The following ACOT6 variants were observed in gnomAD, a reference collection of about 807,000 sequenced individuals.
ACOT6 encodes acyl-coenzyme A thioesterase 6.
ACOT6 carries 14 observed loss-of-function variants against 12.3 expected under a neutral mutation model. The observed-to-expected ratio is 1.14, with a 90% CI of 0.75 to 1.78. The LOEUF (loss-of-function observed/expected upper bound fraction) is 1.78. Ranked by LOEUF, ACOT6 falls within the 40% of genes most tolerant of loss-of-function variation. The pLI is 0.00. For missense variants in ACOT6, 523 were observed against 551.8 expected (o/e 0.95, Z 0.52); for synonymous variants, 218 against 231.3 (o/e 0.94, Z 0.52).
chr14:73,619,541 G>A lies in ACOT6; in HGVS notation c.968G>A (p.Gly323Asp). The change falls in exon 3 of 3, where the codon GGC (glycine) becomes GAC (aspartate). Residue 323 changes from glycine to aspartate, a missense_variant. Transcript: ENST00000645972. Reference sequence around the variant, plus strand: ...CAGGTGCCCTTCTTGTTTATTGTTGGCATGGATGATCAAAGCTGGAAGAGT... The same window carrying A: ...CAGGTGCCCTTCTTGTTTATTGTTGACATGGATGATCAAAGCTGGAAGAGT... ...KAQVPFLFIVGMDDQSWKSEF... is the reference protein window; with the variant it reads ...KAQVPFLFIVDMDDQSWKSEF... The A allele has an allele frequency of 6.2e-7, 1 of 1,614,184 alleles. No homozygotes were observed. Among genetic ancestry groups the A allele is most frequent in the African/African-American group, 1.3e-5 (1 of 75,046 alleles).
chr14:73,616,158 G>A (rs145501097), intron 1 of ACOT6, among the ~76,000 whole-genome samples: 31 of 152,074 alleles, frequency 2.0e-4, no homozygotes, highest in African/African-American at 6.8e-4. Flanking sequence ...TTGTAGAGAT[G>A]GGTCTTGTTA....
chr14:73,617,970 C>A, intron 2 of ACOT6, among the ~76,000 whole-genome samples: 2 of 107,444 alleles, frequency 1.9e-5, no homozygotes. Context: ...CATGGTGAAA[C>A]CCCATCTACT....
chr14:73,612,693 A>T lies in ACOT6; in HGVS notation c.122A>T (p.Glu41Val), dbSNP rs1162318477. The change falls in exon 1 of 3, where the codon GAA becomes GTA. Residue 41 changes from glutamate (E) to valine (V), a missense_variant. Transcript: ENST00000645972. The part of the protein sequence containing the change: ...PVTLRTSLRD[E>V]EGALFRAHAR... ...ACGCTGCGCACGTCCCTGCGCGACG[A>T]AGAGGGCGCGCTCTTCCGGGCCCAC... 1.4e-6 allele frequency: 2 copies of T among 1,405,370 alleles called. No individual in the cohort carries two copies. Among genetic ancestry groups the T allele is most frequent in the African/African-American group, 3.0e-5 (2 of 66,514 alleles). 87.1% of individuals were successfully genotyped at this position (1,405,370 alleles called of 1,614,324 possible).
At chr14:73,615,128 C>G (rs1388692938) in intron 1 of ACOT6, among the ~76,000 whole-genome samples, 1 of 151,122 alleles carries the variant, frequency 6.6e-6, no homozygotes, top group Admixed American at 6.6e-5. Flanking sequence ...TGGCTCACGC[C>G]TCTAATCCCG....
At chr14:73,616,700 T>G (rs191014031) in intron 1 of ACOT6, 1 of 143,186 alleles carries the variant, frequency 7.0e-6, no homozygotes, top group Non-Finnish European at 1.6e-5. Flanking sequence ...CAAAAAAAAA[T>G]TTTTTTTTTA....
chr14:73,613,701 G>C (rs1475470597), intron 1 of ACOT6, among the ~76,000 whole-genome samples: 1 of 152,188 alleles, frequency 6.6e-6, no homozygotes, highest in Non-Finnish European at 1.5e-5. Flanking sequence ...AGAGGCCAGA[G>C]ATGCTGCTAA....
intron 1 of ACOT6, among the ~76,000 whole-genome samples, chr14:73,614,348 T>C (rs1358590651): frequency 6.6e-6 from 1 of 152,216 alleles, no homozygotes; most frequent in African/African-American, 2.4e-5. Flanking sequence ...GGCTGCCCAC[T>C]GTACTGTGAA....
chr14:73,617,401 C>T (rs1186295913), intron 2 of ACOT6, among the ~76,000 whole-genome samples: 3 of 151,954 alleles, frequency 2.0e-5, no homozygotes, highest in African/African-American at 7.2e-5. Flanking sequence ...GATTGCTTGA[C>T]CCCAGGAGTT....
At position 73,612,871 on chromosome 14, in the gene ACOT6, G is replaced by C. The variant is rs1890472285; in HGVS notation, c.300G>C (p.Thr100=). The C allele has an allele frequency of 3.6e-6, 5 of 1,400,754 alleles. No homozygotes were observed. The highest frequency in any genetic ancestry group is 4.8e-6 in the Non-Finnish European group (5 of 1,049,376). The allele number at this position is 1,400,754 out of a possible 1,614,324, so 86.8% of individuals were successfully genotyped here. Residue 100 remains threonine, a synonymous_variant, in exon 1 of 3, where the codon ACG becomes ACC. Coordinates refer to ENST00000645972, the MANE Select transcript of ACOT6 (RefSeq NM_001365788.1). ...LVRLVKRDVR[T]PFAVELEVLD... Reference sequence around the variant, plus strand: ...GGCTGGTGAAGCGCGACGTGCGGACGCCCTTCGCCGTGGAGCTGGAAGTGC... The same window carrying C: ...GGCTGGTGAAGCGCGACGTGCGGACCCCCTTCGCCGTGGAGCTGGAAGTGC...
Position 73,619,854 on chromosome 14 carries a change from A to T in ACOT6, c.*15A>T, listed in dbSNP as rs375616064. On this transcript the variant is annotated 3_prime_UTR_variant, in exon 3 of 3. Coordinates refer to ENST00000645972, the MANE Select transcript of ACOT6 (RefSeq NM_001365788.1). Reference sequence around the variant, plus strand: ...GCAAAATATAACATTGTAGCCACAGACCAGATACCATTAATAAAAATCCTA... The same window carrying T: ...GCAAAATATAACATTGTAGCCACAGTCCAGATACCATTAATAAAAATCCTA... The T allele has an allele frequency of 6.5e-6, 10 of 1,547,488 alleles. No homozygotes were observed. The African/African-American group carries it at 1.1e-4, about 17-fold the overall frequency.
intron 1 of ACOT6, 81 bp from the exon 2 acceptor site, chr14:73,616,913 C>G: frequency 1.7e-6 from 1 of 579,580 alleles, no homozygotes; most frequent in South Asian, 2.3e-5. Flanking sequence ...TACCCCCAAT[C>G]TCCTTGGCTT....
chr14:73,618,099 C>T (rs910181320), intron 2 of ACOT6, among the ~76,000 whole-genome samples: 3 of 152,004 alleles, frequency 2.0e-5, no homozygotes, highest in African/African-American at 4.8e-5. Flanking sequence ...GTCGAGATTA[C>T]ACCATTGCAC....
chr14:73,613,106 G>A, intron 1 of ACOT6, 74 bp downstream of exon 1: 2 of 527,700 alleles, frequency 3.8e-6, no homozygotes, highest in South Asian at 5.5e-5. Flanking sequence ...TCGCGTGATT[G>A]TGGAACATCC....
chr14:73,619,877 C>A lies in ACOT6; in HGVS notation c.*38C>A, dbSNP rs1890602149. ...AGACCAGATACCATTAATAAAAATC[C>A]TATTCATACAACTTGTGTTGGGTTT... On this transcript the variant is annotated 3_prime_UTR_variant, in exon 3 of 3. Coordinates refer to ENST00000645972, the MANE Select transcript of ACOT6 (RefSeq NM_001365788.1). 2.0e-6 allele frequency: 3 copies of A among 1,519,468 alleles called. No individual in the cohort carries two copies. Among genetic ancestry groups the A allele is most frequent in the Admixed American group, 2.3e-5 (1 of 44,396 alleles). The allele number at this position is 1,519,468 out of a possible 1,614,324, so 94.1% of individuals were successfully genotyped here. A position where few individuals can be genotyped will look rare whatever the true frequency, so the allele number is the denominator to read the frequency against.
chr14:73,617,131 T>TTCTGGG lies in ACOT6; in HGVS notation c.599_600insTCTGGG (p.Leu200_Asn201insLeuGly). The TTCTGGG allele has an allele frequency of 6.2e-7, 1 of 1,613,484 alleles. No individual in the cohort carries two copies. The highest frequency in any genetic ancestry group is 8.5e-7 in the Non-Finnish European group (1 of 1,179,436). On this transcript the variant is annotated inframe_insertion, in exon 2 of 3. Transcript: ENST00000645972. ...AGATTTGAAGACCTCCCCGAAGATCTGAATGATGTACATCTGGAGTACTTT... is the reference window on the plus strand; with the variant it reads ...AGATTTGAAGACCTCCCCGAAGATCTTCTGGGGAATGATGTACATCTGGAGTACTTT...
At chr14:73,614,700 T>C (rs1199233871) in intron 1 of ACOT6, among the ~76,000 whole-genome samples, 3 of 149,408 alleles carry the variant, frequency 2.0e-5, no homozygotes, top group Non-Finnish European at 1.5e-5. Flanking sequence ...TGAGCCAAGA[T>C]TGCGCCACTA....
chr14:73,612,530 G>A lies in ACOT6; in HGVS notation c.-42G>A. On this transcript the variant is annotated 5_prime_UTR_variant, in exon 1 of 3. Transcript: ENST00000645972. ...GGCAAAGCCGCCAGGCCCGCCCACT[G>A]ACTCCGCGGAGCTGGGTCGCCCCTG... 1 of 1,215,306 alleles carries A rather than the reference G, an allele frequency of 8.2e-7. No homozygotes were observed. The allele number at this position is 1,215,306 out of a possible 1,614,324, so 75.3% of individuals were successfully genotyped here.
At chr14:73,612,132 C>A (rs140862556), upstream of ACOT6, among the ~76,000 whole-genome samples, 52 of 152,002 alleles carry the variant, frequency 3.4e-4, 1 homozygote, top group East Asian at 8.5e-3. Context: ...ACCTCTGCCT[C>A]CTGGGTTCAA....
upstream of ACOT6, chr14:73,612,376 CTT>C (rs1890457089): frequency 4.8e-6 from 2 of 420,234 alleles, no homozygotes; most frequent in Non-Finnish European, 8.2e-6. Context: ...AGCAGATACT[CTT>C]TCATTTGGGA....
Sources: gnomAD v4.1 joint callset for allele counts (sites outside exome capture counted in the v4.1 genomes callset) on GRCh38, gnomAD v4.1.1 for gene constraint, MANE v1.5 for transcripts, NCBI Gene and HGNC (gene_info 2026-07-23, HGNC 2026-07-21) for gene names.